PLEKHG4B: variants seen among roughly 807,000 people sequenced by gnomAD.
PLEKHG4B encodes the protein pleckstrin homology and RhoGEF domain containing G4B, also known as pleckstrin homology domain-containing family G member 4B.
Under a neutral mutation model 121.3 loss-of-function variants are expected in PLEKHG4B, and 111 were observed. The ratio of observed to expected loss-of-function variants is 0.92; its 90% CI spans 0.78 to 1.07. PLEKHG4B has a LOEUF of 1.07. Among genes scored for constraint, PLEKHG4B ranks in the 50% least tolerant of loss-of-function variants. The pLI, the probability that PLEKHG4B is intolerant of heterozygous loss-of-function variation, is 0.00. For synonymous variants in PLEKHG4B, 738 were observed against 725.0 expected, an observed-to-expected ratio of 1.02 and a Z score of -0.29; for missense variants, 1,831 against 1,757.8, an observed-to-expected ratio of 1.04 and a Z score of -0.74.
At chr5:100,145 G>C (rs1249453145) in intron 1 of PLEKHG4B, among the ~76,000 whole-genome samples, 1 of 152,084 alleles carries the variant, frequency 6.6e-6, no homozygotes, top group Non-Finnish European at 1.5e-5. Flanking sequence ...GGAAGATTTA[G>C]AACTAATTTT....
At chr5:108,852 T>C (rs1734053394) in intron 1 of PLEKHG4B, among the ~76,000 whole-genome samples, 1 of 152,192 alleles carries the variant, frequency 6.6e-6, no homozygotes, top group South Asian at 2.1e-4. Context: ...AGACAGGTTT[T>C]GATTCAATGG....
At chr5:171,001 C>A in intron 14 of PLEKHG4B, 42 bp from the exon 15 acceptor site, 1 of 1,525,844 alleles carries the variant, frequency 6.6e-7, no homozygotes, top group Non-Finnish European at 9.0e-7. Flanking sequence ...TGTCTCTGGG[C>A]CTGTCACTCC....
rs1224663511 is a variant in PLEKHG4B, at chr5:186,468, C to T, written c.*4145C>T. The T allele has an allele frequency of 6.6e-6, 1 of 152,280 alleles. No individual in the cohort carries two copies. Among genetic ancestry groups the T allele is most frequent in the Middle Eastern group, 3.2e-3 (1 of 316 alleles). The allele number at this position is 152,280 out of a possible 1,614,324, so 9.4% of individuals were successfully genotyped here. ...GAAGTGGGAGAGGCGGCCACTGGGT[C>T]CCTCAGGGTCACTCACCCCGCCACG... On this transcript the variant is annotated 3_prime_UTR_variant, in exon 20 of 20. Coordinates refer to ENST00000637938, the MANE Select transcript of PLEKHG4B (RefSeq NM_052909.5).
At chr5:97,848 T>G (rs116731544) in intron 1 of PLEKHG4B, among the ~76,000 whole-genome samples, 1 of 152,172 alleles carries the variant, frequency 6.6e-6, no homozygotes, top group Non-Finnish European at 1.5e-5. Flanking sequence ...GTGTAACTTT[T>G]TGACAGACCA....
chr5:163,138 C>T lies in PLEKHG4B; in HGVS notation c.3066C>T (p.Asp1022=), dbSNP rs368827460. 1.3e-5 allele frequency: 20 copies of T among 1,554,730 alleles called. No individual in the cohort carries two copies. The highest frequency in any genetic ancestry group is 1.7e-4 in the Middle Eastern group (1 of 5,854). The change falls in exon 13 of 20, where the codon GAC becomes GAT. Residue 1022 remains aspartate, a synonymous_variant. Coordinates refer to ENST00000637938, the MANE Select transcript of PLEKHG4B (RefSeq NM_052909.5). ...GACGAGCGCTTCTGTGTGGACAGGACGGGGAGACCCTGCGCCCAGGGCTGT... is the reference window on the plus strand; with the variant it reads ...GACGAGCGCTTCTGTGTGGACAGGATGGGGAGACCCTGCGCCCAGGGCTGT... ...LPGRALLCGQ[D]GETLRPGLCA...
intron 1 of PLEKHG4B, among the ~76,000 whole-genome samples, chr5:112,507 G>A (rs1389032025): frequency 1.3e-5 from 2 of 152,180 alleles, no homozygotes; most frequent in African/African-American, 4.8e-5. Context: ...TTTCCTCAGG[G>A]ATTGTTACTC....
intron 2 of PLEKHG4B, among the ~76,000 whole-genome samples, chr5:115,942 A>G (rs1734295912): frequency 6.6e-6 from 1 of 152,148 alleles, no homozygotes; most frequent in African/African-American, 2.4e-5. Context: ...TGTTCCTTAG[A>G]GTGGACTTTT....
chr5:133,327 C>T (rs1734831811), intron 2 of PLEKHG4B, among the ~76,000 whole-genome samples: 1 of 151,874 alleles, frequency 6.6e-6, no homozygotes, highest in Admixed American at 6.6e-5. Flanking sequence ...ATGACCATAT[C>T]ATCAACCAAA....
intron 2 of PLEKHG4B, among the ~76,000 whole-genome samples, chr5:138,137 C>T (rs1170407297): frequency 6.6e-6 from 1 of 152,186 alleles, no homozygotes; most frequent in Non-Finnish European, 1.5e-5. Context: ...CACAGAAGAC[C>T]CTGGGACCCG....
At chr5:176,766 A>G (rs1736772465) in intron 18 of PLEKHG4B, among the ~76,000 whole-genome samples, 1 of 152,258 alleles carries the variant, frequency 6.6e-6, no homozygotes, top group African/African-American at 2.4e-5. Flanking sequence ...AGAATAACTT[A>G]CAGTTCCCAC....
chr5:175,312 T>C (rs1424014615), intron 18 of PLEKHG4B, among the ~76,000 whole-genome samples: 2 of 151,680 alleles, frequency 1.3e-5, no homozygotes, highest in Admixed American at 6.6e-5. Flanking sequence ...CCACCCTCGT[T>C]TGCTCCCCCC....
Position 112,940 on chromosome 5 carries a change from A to G in PLEKHG4B, c.46-311A>G, listed in dbSNP as rs755121500. On this transcript the variant is annotated intron_variant, in intron 1 of 19. Coordinates refer to ENST00000637938, the MANE Select transcript of PLEKHG4B (RefSeq NM_052909.5). ...CTAAATCTAGGCTTGGTTGTGCCTC[A>G]GTGTGAGTGTTATAGGAATGGCAGC... Among the ~76,000 whole-genome samples the G allele has an allele frequency of 4.7e-4, 72 of 152,080 alleles. 1 individual carries two copies. Among genetic ancestry groups the G allele is most frequent in the Non-Finnish European group, 1.0e-3 (69 of 68,014 alleles).
chr5:135,187 C>CAAAAAA (rs35601775), intron 2 of PLEKHG4B, among the ~76,000 whole-genome samples: 9 of 48,750 alleles, frequency 1.8e-4, no homozygotes, highest in African/African-American at 3.2e-4. Context: ...GACTCCAGCT[C>CAAAAAA]AAAAAAAAAA....
intron 2 of PLEKHG4B, among the ~76,000 whole-genome samples, chr5:114,336 A>G (rs1407472274): frequency 6.6e-6 from 1 of 152,224 alleles, no homozygotes; most frequent in Non-Finnish European, 1.5e-5. Context: ...TTCGTTCAGA[A>G]TTGGAGTCGA....
intron 11 of PLEKHG4B, among the ~76,000 whole-genome samples, chr5:160,604 T>C (rs1009847980): frequency 6.6e-6 from 1 of 152,224 alleles, no homozygotes; most frequent in African/African-American, 2.4e-5. Flanking sequence ...CTTCTGTCTA[T>C]GTTATATGGA....
rs1246121875 is a variant in PLEKHG4B at position 113,181 on chromosome 5, C to T, written c.46-70C>T. ...TTCCGTGTGGATCCTTCAGTGCCAG[C>T]CTTGGACTGTGGTGTGCACCTGTCT... On this transcript the variant is annotated intron_variant, in intron 1 of 19. Coordinates refer to ENST00000637938, the MANE Select transcript of PLEKHG4B (RefSeq NM_052909.5). This position sits in a 1 kb window ranked among gnomAD's most constrained non-coding sequence, Gnocchi z 5.2. The T allele has an allele frequency of 5.0e-6, 2 of 398,450 alleles. No individual in the cohort carries two copies. The highest frequency in any genetic ancestry group is 4.4e-5 in the Admixed American group (1 of 22,716). The allele number at this position is 398,450 out of a possible 1,614,324, so 24.7% of individuals were successfully genotyped here.
At chr5:163,655 C>A in intron 13 of PLEKHG4B, 107 bp downstream of exon 13, 2 of 911,492 alleles carry the variant, frequency 2.2e-6, no homozygotes, top group Non-Finnish European at 3.2e-6. Flanking sequence ...AGTAAATCCG[C>A]AGACATCCCT....
chr5:102,503 C>T (rs1159425942), intron 1 of PLEKHG4B, among the ~76,000 whole-genome samples: 1 of 152,080 alleles, frequency 6.6e-6, no homozygotes, highest in Admixed American at 6.5e-5. Context: ...ACCGCCAGTG[C>T]TGTGGGTGAG....
At chr5:102,314 C>CT (rs112302750) in intron 1 of PLEKHG4B, among the ~76,000 whole-genome samples, 83 of 147,598 alleles carry the variant, frequency 5.6e-4, no homozygotes, top group Admixed American at 1.1e-3. Context: ...TATAATTAAG[C>CT]TTTTTTTTTT....
Sources: gnomAD v4.1 joint callset for allele counts (sites outside exome capture counted in the v4.1 genomes callset) on GRCh38, gnomAD v4.1.1 for gene constraint, Gnocchi (gnomAD v3.1) non-coding constraint, MANE v1.5 for transcripts, NCBI Gene and HGNC (gene_info 2026-07-23, HGNC 2026-07-21) for gene names.